LAMA3: variants seen among roughly 807,000 people sequenced by gnomAD.
The protein encoded by LAMA3 is laminin subunit alpha-3.
LAMA3 carries 281 observed loss-of-function variants against 402.0 expected under a neutral mutation model. The observed-to-expected ratio is 0.70, with a 90% CI of 0.63 to 0.77. The LOEUF is 0.77. Among genes scored for constraint, LAMA3 ranks in the 30% least tolerant of loss-of-function variants. The probability of loss-of-function intolerance (pLI) is 0.00; values close to 1 mark genes in which losing one functional copy is unlikely to be tolerated. For missense variants in LAMA3, 3,840 were observed against 4,215.5 expected, an observed-to-expected ratio of 0.91 and a Z score of 2.47; for synonymous variants, 1,431 against 1,558.4, an observed-to-expected ratio of 0.92 and a Z score of 1.93.
At chr18:23,939,816 T>C (rs959206622) in intron 68 of LAMA3, among the ~76,000 whole-genome samples, 4 of 152,238 alleles carry the variant, frequency 2.6e-5, no homozygotes, top group Non-Finnish European at 4.4e-5. Context: ...CTTTTTGCGC[T>C]AACAAGTTGC....
chr18:23,720,160 CAT>C (rs938378842), intron 2 of LAMA3, among the ~76,000 whole-genome samples: 13 of 152,250 alleles, frequency 8.5e-5, no homozygotes, highest in African/African-American at 2.9e-4. Context: ...GTAATGGAAA[CAT>C]ATTGCTGTGA....
At chr18:23,756,341 G>A (rs534824005) in intron 6 of LAMA3, among the ~76,000 whole-genome samples, 1 of 150,928 alleles carries the variant, frequency 6.6e-6, no homozygotes, top group East Asian at 2.0e-4. Flanking sequence ...GTCTTTATTT[G>A]ACTCAAACCG....
In LAMA3 at chr18:23,810,460, T is replaced by C; in HGVS notation, c.1698T>C (p.Cys566=). ...GGCCAGGAGTTACAGGACAGCGGTG[T>C]GACAGGTGTCTCTCAGGAGCTTATG... ...ECRPGVTGQR[C]DRCLSGAYDF... Residue 566 remains cysteine (C), a synonymous_variant, in exon 13 of 75, where the codon TGT becomes TGC. Transcript: ENST00000313654. 1 of 1,614,148 alleles carries C rather than the reference T, an allele frequency of 6.2e-7. No homozygotes were observed. The highest frequency in any genetic ancestry group is 8.5e-7 in the Non-Finnish European group (1 of 1,180,012).
intron 2 of LAMA3, among the ~76,000 whole-genome samples, chr18:23,729,837 G>A (rs936808085): frequency 5.3e-5 from 8 of 152,228 alleles, no homozygotes; most frequent in Non-Finnish European, 1.2e-4. Flanking sequence ...CCCAAGTCTG[G>A]CACCAGAGCC....
intron 2 of LAMA3, among the ~76,000 whole-genome samples, chr18:23,717,770 C>T (rs1598638476): frequency 1.4e-5 from 2 of 139,478 alleles, no homozygotes; most frequent in East Asian, 4.5e-4. Flanking sequence ...AGGGTTTCAC[C>T]ATGTTGGCCA....
At chr18:23,806,127 C>T (rs1376427003) in intron 12 of LAMA3, among the ~76,000 whole-genome samples, 1 of 152,204 alleles carries the variant, frequency 6.6e-6, no homozygotes, top group Non-Finnish European at 1.5e-5. Flanking sequence ...GCTGTTTCAA[C>T]TCCATTGTCC....
At chr18:23,861,841 G>T (rs769112750) in intron 35 of LAMA3, 34 bp downstream of exon 35, 1 of 1,589,806 alleles carries the variant, frequency 6.3e-7, no homozygotes, top group Admixed American at 1.7e-5. Context: ...TGGGCCCTCA[G>T]TGGGCCTCTG....
At chr18:23,819,321 A>G (rs1264425956) in intron 18 of LAMA3, among the ~76,000 whole-genome samples, 1 of 152,226 alleles carries the variant, frequency 6.6e-6, no homozygotes, top group Admixed American at 6.5e-5. Context: ...AACAAGGCAT[A>G]GAAGAGTCAT....
At chr18:23,835,314 A>G (rs1182973445) in intron 24 of LAMA3, among the ~76,000 whole-genome samples, 1 of 152,238 alleles carries the variant, frequency 6.6e-6, no homozygotes, top group Non-Finnish European at 1.5e-5. Flanking sequence ...GGCAGGAGGA[A>G]CTATTCATAA....
chr18:23,940,117 GAGGTT>G (rs1424578866), intron 68 of LAMA3, among the ~76,000 whole-genome samples: 1 of 152,226 alleles, frequency 6.6e-6, no homozygotes, highest in Non-Finnish European at 1.5e-5. Context: ...AGATGGGCAA[GAGGTT>G]CATTGTGGGG....
In LAMA3 at chr18:23,939,209, C is replaced by G; in HGVS notation, c.8863-14C>G. 1 of 1,613,528 alleles carries G rather than the reference C, an allele frequency of 6.2e-7. No homozygotes were observed. Among genetic ancestry groups the G allele is most frequent in the Non-Finnish European group, 8.5e-7 (1 of 1,179,664 alleles). On this transcript the variant is annotated splice_polypyrimidine_tract_variant and intron_variant, in intron 67 of 74. Coordinates refer to ENST00000313654, the MANE Select transcript of LAMA3 (RefSeq NM_198129.4). Reference sequence around the variant, plus strand: ...TCTTTCCCCTGATAATTGTGTTGCTCTTTTCCCATGCAGCTGTTGCAGGAC... The same window carrying G: ...TCTTTCCCCTGATAATTGTGTTGCTGTTTTCCCATGCAGCTGTTGCAGGAC...
At position 23,769,694 on chromosome 18, in the gene LAMA3, C is replaced by G. The variant is rs117299556; in HGVS notation, c.1183-3803C>G. On this transcript the variant is annotated intron_variant, in intron 8 of 74. Coordinates refer to ENST00000313654, the MANE Select transcript of LAMA3 (RefSeq NM_198129.4). ...ACACACACACACAAAACCACATACA[C>G]ACACACCAGACACAAAAGGAAGGGG... is the stretch of plus-strand genomic sequence containing the variant. Among the ~76,000 whole-genome samples, 650 of 152,358 alleles carry G rather than the reference C, an allele frequency of 4.3e-3. 3 individuals carry two copies. Among genetic ancestry groups the G allele is most frequent in the Non-Finnish European group, 7.1e-3 (480 of 68,036 alleles).
chr18:23,733,308 G>C (rs11659974), intron 2 of LAMA3, among the ~76,000 whole-genome samples: 71,039 of 152,024 alleles, frequency 0.47, 18,952 homozygotes, highest in Non-Finnish European at 0.61. Flanking sequence ...CCTGAGACCG[G>C]GTAATTTATA....
chr18:23,935,517 A>G (rs2082286995), intron 67 of LAMA3, among the ~76,000 whole-genome samples: 1 of 152,202 alleles, frequency 6.6e-6, no homozygotes, highest in African/African-American at 2.4e-5. Flanking sequence ...TAGCAGAGAG[A>G]ATACAGCACA....
In LAMA3 at chr18:23,914,438, T is replaced by C. The variant is rs1390697440; in HGVS notation, c.7358T>C (p.Val2453Ala). 8 of 1,614,110 alleles carry C rather than the reference T, an allele frequency of 5.0e-6. No individual in the cohort carries two copies. Among genetic ancestry groups the C allele is most frequent in the Non-Finnish European group, 6.8e-6 (8 of 1,180,004 alleles). ...DASRDYIGMA[V>A]VDGQLTCVYN... is the part of the protein sequence containing the mutation. ...TCCCGGGACTACATCGGCATGGCAG[T>C]TGTGGATGGCCAGCTCACCTGTGTC... The change falls in exon 57 of 75, where the codon GTT becomes GCT. Residue 2453 changes from valine to alanine, a missense_variant. By Grantham distance (64) the Val-to-Ala change is moderately conservative. Transcript: ENST00000313654.
chr18:23,702,505 G>T (rs911784950), intron 1 of LAMA3, among the ~76,000 whole-genome samples: 2 of 152,002 alleles, frequency 1.3e-5, no homozygotes, highest in Non-Finnish European at 2.9e-5. Context: ...TTTTGTGTGT[G>T]TGTGGAGAAG....
In LAMA3 at chr18:23,833,810, G is replaced by C. The variant is rs1178426243; in HGVS notation, c.2824-18G>C. The C allele has an allele frequency of 4.3e-6, 7 of 1,612,354 alleles. No individual in the cohort carries two copies. The South Asian group carries it at 7.7e-5, about 18-fold the overall frequency. On this transcript the variant is annotated intron_variant, in intron 23 of 74. Transcript: ENST00000313654. ...GTCACAGCTGGATCACAGTCTGTCT[G>C]CTTGGCCTCTGTGACAGGTGGAATT...
At chr18:23,751,767 G>A (rs2061756866) in intron 5 of LAMA3, among the ~76,000 whole-genome samples, 2 of 152,308 alleles carry the variant, frequency 1.3e-5, no homozygotes, top group African/African-American at 4.8e-5. Flanking sequence ...TCACTCTCAG[G>A]TGTCAGGGCA....
chr18:23,763,167 A>AT (rs889781652), intron 7 of LAMA3, among the ~76,000 whole-genome samples: 3 of 152,180 alleles, frequency 2.0e-5, no homozygotes, highest in South Asian at 2.1e-4. Flanking sequence ...CCCAAGTAGT[A>AT]TTTTTTTAAA....
Sources: allele counts gnomAD v4.1 joint callset (sites outside exome capture counted in the v4.1 genomes callset), GRCh38; gene constraint gnomAD v4.1.1; transcripts MANE v1.5; gene names NCBI Gene and HGNC (gene_info 2026-07-23, HGNC 2026-07-21).